The following FBXO43 variants were observed in gnomAD, a reference collection of about 807,000 sequenced individuals.
FBXO43 encodes the protein F-box only protein 43.
A neutral mutation model predicts 56.7 loss-of-function variants in FBXO43; 22 were observed. That is an observed-to-expected ratio of 0.39 (90% CI 0.28 to 0.55). The LOEUF (loss-of-function observed/expected upper bound fraction) is 0.55. Among genes scored for constraint, FBXO43 ranks in the 20% least tolerant of loss-of-function variants. The pLI, the probability that FBXO43 is intolerant of heterozygous loss-of-function variation, is 0.66. For missense variants in FBXO43, 733 were observed against 814.9 expected (o/e 0.90, Z 1.22); for synonymous variants, 306 against 294.5 (o/e 1.04, Z -0.40).
rs992597926 is a variant in FBXO43 at position 100,141,860 on chromosome 8, T to C, written c.394A>G (p.Arg132Gly). ...TCTGGGGTTTTATCCTTTTCCTTTC[T>C]AGGCAAGATACATTTCTTTTTTTGA... ...PTQKKKCILP[R>G]KEKDKTPELC... The change falls in exon 2 of 5, where the codon AGA (arginine) becomes GGA (glycine). Residue 132 changes from arginine to glycine, a missense_variant. Transcript: ENST00000428847. 5.7e-6 allele frequency: 9 copies of C among 1,589,662 alleles called. No individual in the cohort carries two copies. The highest frequency in any genetic ancestry group is 7.7e-6 in the Non-Finnish European group (9 of 1,173,436).
rs1814671685 is a variant in FBXO43 at position 100,141,968 on chromosome 8, T to C, written c.286A>G (p.Lys96Glu). The C allele has an allele frequency of 6.2e-7, 1 of 1,607,728 alleles. No individual in the cohort carries two copies. The highest frequency in any genetic ancestry group is 1.7e-5 in the Admixed American group (1 of 58,710). ...FDNIDKEYLG[K>E]KEKGPTLLYE... is the part of the protein sequence containing the mutation. ...AGTAATGTTGGGCCTTTTTCTTTCT[T>C]TCCAAGATATTCTTTATCTATATTA... The change falls in exon 2 of 5, where the codon AAG becomes GAG. Residue 96 changes from lysine (K) to glutamate (E), a missense_variant. Coordinates refer to ENST00000428847, the MANE Select transcript of FBXO43 (RefSeq NM_001029860.4).
rs530844525 is a variant in FBXO43 at position 100,141,205 on chromosome 8, T to C, written c.1049A>G (p.Asp350Gly). 16 of 1,614,178 alleles carry C rather than the reference T, an allele frequency of 9.9e-6. No homozygotes were observed. The East Asian group carries it at 3.6e-4, about 36-fold the overall frequency. ...SLEKSEDSLS[D>G]QEGSFQELLQ... ...TAGTTCTTGAAAAGAACCCTCCTGG[T>C]CAGACAGGGAATCTTCTGATTTCTC... is the stretch of plus-strand genomic sequence containing the variant. Residue 350 changes from aspartate to glycine, a missense_variant, in exon 2 of 5, where the codon GAC becomes GGC. Asp to Gly is a moderately conservative substitution (Grantham distance 94). Coordinates refer to ENST00000428847, the MANE Select transcript of FBXO43 (RefSeq NM_001029860.4).
chr8:100,139,468 A>G lies in FBXO43; in HGVS notation c.1571+1215T>C, dbSNP rs184451166. Among the ~76,000 whole-genome samples, 4 of 152,270 alleles carry G rather than the reference A, an allele frequency of 2.6e-5. No homozygotes were observed. The East Asian group carries it at 7.7e-4, about 29-fold the overall frequency. On this transcript the variant is annotated intron_variant, in intron 2 of 4. Transcript: ENST00000428847. Reference sequence around the variant, plus strand: ...AAAACAAAAAAACCAAGGACCCTGTAAAAAACTCTTTTGACATATACCTAT... The same window carrying G: ...AAAACAAAAAAACCAAGGACCCTGTGAAAAACTCTTTTGACATATACCTAT...
In FBXO43 at chr8:100,141,756, T is replaced by C; in HGVS notation, c.498A>G (p.Lys166=). 2.5e-6 allele frequency: 4 copies of C among 1,593,924 alleles called. No homozygotes were observed. The South Asian group carries it at 4.6e-5, about 18-fold the overall frequency. ...RRLNVSFALL[K]GDFESQNSSL... ...AACTATTTTGTGATTCAAAGTCCCC[T>C]TTTAGAAGAGCGAAAGATACATTCA... is the stretch of plus-strand genomic sequence containing the variant. Residue 166 remains lysine (K), a synonymous_variant, in exon 2 of 5, where the codon AAA becomes AAG. Transcript: ENST00000428847.
chr8:100,140,586 A>T (rs1814607126), intron 2 of FBXO43, 97 bp downstream of exon 2: 2 of 933,608 alleles, frequency 2.1e-6, no homozygotes, highest in Non-Finnish European at 3.2e-6. Flanking sequence ...AAAGACAGAG[A>T]TAATAAAACA....
chr8:100,140,476 A>AAAAAC (rs529553021), intron 2 of FBXO43, among the ~76,000 whole-genome samples: 8,875 of 152,002 alleles, frequency 0.058, 357 homozygotes, highest in South Asian at 0.12. Context: ...GCTCAAAGAA[A>AAAAAC]AAAACAAAAC....
chr8:100,139,714 T>C lies in FBXO43; in HGVS notation c.1571+969A>G, dbSNP rs554880896. 3.3e-5 allele frequency among the ~76,000 whole-genome samples: 5 copies of C among 152,366 alleles called. No individual in the cohort carries two copies. In the South Asian group the frequency reaches 1.0e-3, roughly 32 times the overall value. On this transcript the variant is annotated intron_variant, in intron 2 of 4. Transcript: ENST00000428847. ...TATTCTGAAATTTGTTTCTCCTTAT[T>C]ATGTAGCAGCATTCAATCTACTGCA...
At position 100,145,373 on chromosome 8, in the gene FBXO43, G is replaced by A. The variant is rs1814799180; in HGVS notation, c.-238C>T. The A allele has an allele frequency of 2.7e-6, 1 of 373,708 alleles. No individual in the cohort carries two copies. Among genetic ancestry groups the A allele is most frequent in the Non-Finnish European group, 4.8e-6 (1 of 209,028 alleles). 23.1% of individuals were successfully genotyped at this position (373,708 alleles called of 1,614,324 possible). On this transcript the variant is annotated 5_prime_UTR_variant, in exon 1 of 5. Transcript: ENST00000428847. ...AGACATGAGTAAACTTCCCAAATTCGGGTTCCTGAAAAGGCAGCGTGTGCT... is the reference window on the plus strand; with the variant it reads ...AGACATGAGTAAACTTCCCAAATTCAGGTTCCTGAAAAGGCAGCGTGTGCT...
chr8:100,133,637 A>G lies in FBXO43; in HGVS notation c.*165T>C. 1 of 812,556 alleles carries G rather than the reference A, an allele frequency of 1.2e-6. No homozygotes were observed. The highest frequency in any genetic ancestry group is 1.7e-6 in the Non-Finnish European group (1 of 573,592). 50.3% of individuals were successfully genotyped at this position (812,556 alleles called of 1,614,324 possible). ...ACATAGTAAAATAAAATTTTTTCAA[A>G]ACAACTTTAAAGAAAACATACAATG... is the stretch of plus-strand genomic sequence containing the variant. On this transcript the variant is annotated 3_prime_UTR_variant, in exon 5 of 5. Transcript: ENST00000428847.
At chr8:100,140,481 CA>C (rs1563753133) in intron 2 of FBXO43, among the ~76,000 whole-genome samples, 1 of 147,840 alleles carries the variant, frequency 6.8e-6, no homozygotes, top group Non-Finnish European at 1.5e-5. Flanking sequence ...AAGAAAAAAA[CA>C]AAACAAAACA....
chr8:100,135,969 T>G (rs992247431), intron 3 of FBXO43, among the ~76,000 whole-genome samples: 2 of 151,312 alleles, frequency 1.3e-5, no homozygotes, highest in African/African-American at 4.9e-5. Flanking sequence ...TTATTTGGAG[T>G]TACATGGAGG....
chr8:100,148,808 G>C (rs913738871), upstream of FBXO43, among the ~76,000 whole-genome samples: 1 of 151,570 alleles, frequency 6.6e-6, no homozygotes, highest in Non-Finnish European at 1.5e-5. Flanking sequence ...CTTCTTTTTG[G>C]GACCATCCAA....
chr8:100,140,630 C>A, intron 2 of FBXO43, 53 bp downstream of exon 2: 1 of 1,430,812 alleles, frequency 7.0e-7, no homozygotes, highest in Non-Finnish European at 9.4e-7. Context: ...CACAGAAAAA[C>A]TTTTCAACTT....
Position 100,137,589 on chromosome 8 carries a change from G to A in FBXO43, c.1650C>T (p.Ile550=), listed in dbSNP as rs1814510976. Residue 550 remains isoleucine (I), a synonymous_variant, in exon 3 of 5, where the codon ATC becomes ATT. Transcript: ENST00000428847. ...KNANRRRKFY[I]TQLKTDSEGA... Reference sequence around the variant, plus strand: ...CCTCAGAATCTGTTTTCAGTTGTGTGATATAAAATTTCCTCCTCCGATTTG... The same window carrying A: ...CCTCAGAATCTGTTTTCAGTTGTGTAATATAAAATTTCCTCCTCCGATTTG... 6.2e-7 allele frequency: 1 copy of A among 1,610,380 alleles called. No individual in the cohort carries two copies. Among genetic ancestry groups the A allele is most frequent in the African/African-American group, 1.3e-5 (1 of 74,760 alleles).
At chr8:100,139,216 A>G (rs974148081) in intron 2 of FBXO43, among the ~76,000 whole-genome samples, 19 of 152,152 alleles carry the variant, frequency 1.2e-4, no homozygotes, top group Non-Finnish European at 2.4e-4. Flanking sequence ...CAGCTAAGAA[A>G]TCCTACAGTT....
intron 3 of FBXO43, chr8:100,137,351 C>T (rs536289516): frequency 3.2e-5 from 13 of 406,880 alleles, no homozygotes; most frequent in Admixed American, 2.7e-4. Context: ...TGAGCCACCG[C>T]GCCTGGCCAA....
rs752588384 is a variant in FBXO43 at position 100,145,054 on chromosome 8, C to A, written c.82G>T (p.Asp28Tyr). The change falls in exon 1 of 5, where the codon GAT becomes TAT. Residue 28 changes from aspartate (D) to tyrosine (Y), a missense_variant. Transcript: ENST00000428847. ...TLTSKSSRFT[D>Y]ETEILKMSQR... ...TTGTTAAAGTGGAAACTCTTACCAT[C>A]AGTAAATCTTGAGCTCTTAGATGTC... The A allele has an allele frequency of 6.2e-7, 1 of 1,610,458 alleles. No individual in the cohort carries two copies. Among genetic ancestry groups the A allele is most frequent in the Non-Finnish European group, 8.5e-7 (1 of 1,177,642 alleles).
chr8:100,147,356 T>A (rs563626643), upstream of FBXO43, among the ~76,000 whole-genome samples: 1 of 152,268 alleles, frequency 6.6e-6, no homozygotes, highest in East Asian at 1.9e-4. Flanking sequence ...GATGTACAAG[T>A]GGCAATTTAA....
intron 1 of FBXO43, 103 bp downstream of exon 1, chr8:100,144,948 A>AAAAAAG (rs1814781078): frequency 2.2e-6 from 3 of 1,348,614 alleles, no homozygotes; most frequent in Non-Finnish European, 2.9e-6. Context: ...AAAAAGAAAG[A>AAAAAAG]AAAAAGAAAA....
Sources: gnomAD v4.1 joint callset for allele counts (sites outside exome capture counted in the v4.1 genomes callset) on GRCh38, gnomAD v4.1.1 for gene constraint, MANE v1.5 for transcripts, NCBI Gene and HGNC (gene_info 2026-07-23, HGNC 2026-07-21) for gene names.